Variants in TMEM9B observed in about 807,000 individuals in gnomAD.
TMEM9B encodes transmembrane protein 9B.
A neutral mutation model predicts 23.5 loss-of-function variants in TMEM9B; 8 were observed. The observed-to-expected ratio is 0.34, with a 90% CI of 0.20 to 0.61. The LOEUF (loss-of-function observed/expected upper bound fraction) is 0.61. Among genes scored for constraint, TMEM9B ranks in the 20% least tolerant of loss-of-function variants. TMEM9B has a pLI of 0.78. For missense variants in TMEM9B, 197 were observed against 252.3 expected (o/e 0.78, Z 1.49); for synonymous variants, 106 against 96.3 (o/e 1.10, Z -0.59).
At position 8,956,201 on chromosome 11, in the gene TMEM9B, C is replaced by G. The variant is rs1853970431; in HGVS notation, c.295G>C (p.Val99Leu). ...CECKYEERSS[V>L]TIKVTIIIYL... is the part of the protein sequence containing the mutation. ...GATATATATTTTACCTTGATTGTGACAGAGCTTCTTTCTTCATATTTGCAT... is the reference window on the plus strand; with the variant it reads ...GATATATATTTTACCTTGATTGTGAGAGAGCTTCTTTCTTCATATTTGCAT... The change falls in exon 3 of 5, where the codon GTC becomes CTC. Residue 99 changes from valine to leucine, a missense_variant. Around this residue, in one of 2 missense-constraint regions of TMEM9B, gnomAD observed 141 missense variants for 214.1 expected, o/e 0.66. Transcript: ENST00000534025. 6.2e-7 allele frequency: 1 copy of G among 1,613,176 alleles called. No homozygotes were observed. Among genetic ancestry groups the G allele is most frequent in the Non-Finnish European group, 8.5e-7 (1 of 1,179,846 alleles).
intron 3 of TMEM9B, among the ~76,000 whole-genome samples, 180 bp from the exon 4 acceptor site, chr11:8,953,517 G>A (rs1853920705): frequency 6.6e-6 from 1 of 151,904 alleles, no homozygotes; most frequent in South Asian, 2.1e-4. Context: ...AAAAAAAGAG[G>A]AAAGATCTTT....
At chr11:8,952,913 T>C in intron 4 of TMEM9B, 1 of 562,478 alleles carries the variant, frequency 1.8e-6, no homozygotes, top group Non-Finnish European at 3.1e-6. Flanking sequence ...CTCTGATACT[T>C]TTCTCAATGT....
In TMEM9B at chr11:8,953,336, A is replaced by G. The variant is rs947600455; in HGVS notation, c.308T>C (p.Val103Ala). The change falls in exon 4 of 5, where the codon GTT (valine) becomes GCT (alanine). Residue 103 changes from valine to alanine, a missense_variant and splice_region_variant. This residue lies in a region of TMEM9B where 141 missense variants were observed against 214.1 expected (regional missense o/e 0.66). Coordinates refer to ENST00000534025, the MANE Select transcript of TMEM9B (RefSeq NM_020644.3). Reference protein sequence around the residue: ...YEERSSVTIKVTIIIYLSILG... With the variant: ...YEERSSVTIKATIIIYLSILG... ...AATGGAGAGATAAATTATAATGGTA[A>G]CCTAAAGGAAATTGAAAATTAAGTT... 3 of 1,612,168 alleles carry G rather than the reference A, an allele frequency of 1.9e-6. No individual in the cohort carries two copies. Among genetic ancestry groups the G allele is most frequent in the Non-Finnish European group, 2.5e-6 (3 of 1,179,006 alleles).
At chr11:8,956,977 C>T (rs1853986291) in intron 2 of TMEM9B, among the ~76,000 whole-genome samples, 1 of 152,174 alleles carries the variant, frequency 6.6e-6, no homozygotes, top group African/African-American at 2.4e-5. Flanking sequence ...ATCTTGGCCT[C>T]CTAAAGTGCC....
In TMEM9B at chr11:8,964,404, T is replaced by C. The variant is rs2134882094; in HGVS notation, c.-91A>G. 3 of 1,392,476 alleles carry C rather than the reference T, an allele frequency of 2.2e-6. No homozygotes were observed. The African/African-American group carries it at 4.9e-5, about 23-fold the overall frequency. The allele number at this position is 1,392,476 out of a possible 1,614,324, so 86.3% of individuals were successfully genotyped here. ...TCAGGCTCAGGCTCAGGCACAGGCT[T>C]GGGACCCGGCTGGGGATCCTCCGCC... On this transcript the variant is annotated 5_prime_UTR_variant, in exon 1 of 5. Transcript: ENST00000534025.
chr11:8,962,023 A>G (rs1475575290), intron 2 of TMEM9B, 69 bp downstream of exon 2: 2 of 991,660 alleles, frequency 2.0e-6, no homozygotes, highest in East Asian at 2.7e-5. Flanking sequence ...CATTTGATGA[A>G]CATTCTGGGA....
chr11:8,964,409 C>T lies in TMEM9B; in HGVS notation c.-96G>A, dbSNP rs1371391827. The T allele has an allele frequency of 2.8e-6, 4 of 1,447,710 alleles. No homozygotes were observed. In the African/African-American group the frequency reaches 6.2e-5, roughly 22 times the overall value. 89.7% of individuals were successfully genotyped at this position (1,447,710 alleles called of 1,614,324 possible). On this transcript the variant is annotated 5_prime_UTR_variant, in exon 1 of 5. Transcript: ENST00000534025. ...CTCAGGCTCAGGCACAGGCTTGGGA[C>T]CCGGCTGGGGATCCTCCGCCCGCAC...
In TMEM9B at chr11:8,947,652, A is replaced by G. The variant is rs1853793796; in HGVS notation, c.*668T>C. On this transcript the variant is annotated 3_prime_UTR_variant, in exon 5 of 5. Transcript: ENST00000534025. ...AAATGGCCAGTTTGTTCTAGGATGC[A>G]TTGCATCAGACATCACAGTACATGA... is the stretch of plus-strand genomic sequence containing the variant. 1 of 152,688 alleles carries G rather than the reference A, an allele frequency of 6.5e-6. No individual in the cohort carries two copies. Among genetic ancestry groups the G allele is most frequent in the African/African-American group, 2.4e-5 (1 of 41,450 alleles). The allele number at this position is 152,688 out of a possible 1,614,324, so 9.5% of individuals were successfully genotyped here. A position where few individuals can be genotyped will look rare whatever the true frequency, so the allele number is the denominator to read the frequency against.
Position 8,948,428 on chromosome 11 carries a change from G to A in TMEM9B, c.489C>T (p.Arg163=). The A allele has an allele frequency of 6.2e-7, 1 of 1,614,230 alleles. No individual in the cohort carries two copies. Among genetic ancestry groups the A allele is most frequent in the Non-Finnish European group, 8.5e-7 (1 of 1,180,038 alleles). ...ANAHDVLARS[R]SRANVLNKVE... is the part of the protein sequence containing the mutation. ...CCTTGTTCAGCACGTTGGCTCGACT[G>A]CGGGAGCGGGCTAGCACATCGTGTG... The change falls in exon 5 of 5, where the codon CGC becomes CGT. Residue 163 remains arginine (R), a synonymous_variant. Transcript: ENST00000534025.
At chr11:8,953,664 G>A in intron 3 of TMEM9B, among the ~76,000 whole-genome samples, 1 of 152,292 alleles carries the variant, frequency 6.6e-6, no homozygotes, top group Non-Finnish European at 1.5e-5. Flanking sequence ...GCTCAATTTA[G>A]ATATACAAAA....
At position 8,956,293 on chromosome 11, in the gene TMEM9B, C is replaced by T; in HGVS notation, c.203G>A (p.Cys68Tyr). Residue 68 changes from cysteine (C) to tyrosine (Y), a missense_variant, in exon 3 of 5, where the codon TGC becomes TAC. Cys to Tyr is a radical substitution (Grantham distance 194). Coordinates refer to ENST00000534025, the MANE Select transcript of TMEM9B (RefSeq NM_020644.3). ...AGGCATGGGCTCCACAACATGAAGG[C>T]AATCACTGAAAAAACAAAGATAAAA... ...NKNISQKDCD[C>Y]LHVVEPMPVR... is the part of the protein sequence containing the mutation. The T allele has an allele frequency of 6.2e-7, 1 of 1,612,740 alleles. No individual in the cohort carries two copies.
Position 8,956,291 on chromosome 11 carries a change from G to C in TMEM9B, c.205C>G (p.Leu69Val). 6.2e-7 allele frequency: 1 copy of C among 1,612,864 alleles called. No homozygotes were observed. The part of the protein sequence containing the change: ...KNISQKDCDC[L>V]HVVEPMPVRG... ...ACAGGCATGGGCTCCACAACATGAAGGCAATCACTGAAAAAACAAAGATAA... is the reference window on the plus strand; with the variant it reads ...ACAGGCATGGGCTCCACAACATGAACGCAATCACTGAAAAAACAAAGATAA... Residue 69 changes from leucine to valine, a missense_variant, in exon 3 of 5, where the codon CTT (leucine) becomes GTT (valine). Leu to Val is a conservative substitution (Grantham distance 32). Coordinates refer to ENST00000534025, the MANE Select transcript of TMEM9B (RefSeq NM_020644.3).
intron 2 of TMEM9B, among the ~76,000 whole-genome samples, chr11:8,959,401 G>C (rs1437154760): frequency 2.0e-5 from 3 of 152,160 alleles, no homozygotes; most frequent in Non-Finnish European, 4.4e-5. Context: ...TCGTGCCACT[G>C]CACTCTAGCA....
intron 2 of TMEM9B, among the ~76,000 whole-genome samples, chr11:8,959,470 C>T (rs182099201): frequency 6.6e-6 from 1 of 152,220 alleles, no homozygotes; most frequent in Non-Finnish European, 1.5e-5. Flanking sequence ...CAGTTCTTTA[C>T]CTCTGAACCT....
chr11:8,951,188 T>C (rs1053661305), intron 4 of TMEM9B, among the ~76,000 whole-genome samples: 1 of 152,224 alleles, frequency 6.6e-6, no homozygotes, highest in African/African-American at 2.4e-5. Flanking sequence ...TGTGTTATTA[T>C]ATTGTCTATT....
intron 4 of TMEM9B, among the ~76,000 whole-genome samples, chr11:8,952,276 A>ACACACACG (rs1172481710): frequency 1.5e-4 from 11 of 74,008 alleles, no homozygotes; most frequent in African/African-American, 3.7e-4. Context: ...ACACACACAC[A>ACACACACG]CACGCTATAT....
At chr11:8,950,480 G>A (rs1853855349) in intron 4 of TMEM9B, among the ~76,000 whole-genome samples, 1 of 152,194 alleles carries the variant, frequency 6.6e-6, no homozygotes, top group Non-Finnish European at 1.5e-5. Context: ...GCCTAGTGCT[G>A]TTATCTATTC....
At chr11:8,956,148 G>C in intron 3 of TMEM9B, 42 bp downstream of exon 3, 1 of 1,563,484 alleles carries the variant, frequency 6.4e-7, no homozygotes, top group Non-Finnish European at 8.7e-7. Flanking sequence ...AAAAGACGTA[G>C]ACAGACAGAC....
intron 1 of TMEM9B, among the ~76,000 whole-genome samples, chr11:8,962,417 T>G (rs896485242): frequency 2.0e-5 from 3 of 152,222 alleles, no homozygotes; most frequent in African/African-American, 7.2e-5. Flanking sequence ...ATACATGATC[T>G]AAGACTTATT....
Sources: allele counts gnomAD v4.1 joint callset (sites outside exome capture counted in the v4.1 genomes callset), GRCh38; gene constraint gnomAD v4.1.1; regional missense constraint gnomAD v4.1.1; transcripts MANE v1.5; gene names NCBI Gene and HGNC (gene_info 2026-07-23, HGNC 2026-07-21).